SMC1B: variants seen among roughly 807,000 people sequenced by gnomAD.
The protein encoded by SMC1B is structural maintenance of chromosomes 1B, also known as structural maintenance of chromosomes protein 1B.
A neutral mutation model predicts 157.9 loss-of-function variants in SMC1B; 60 were observed. The observed-to-expected ratio is 0.38, with a 90% CI of 0.31 to 0.47. The LOEUF (loss-of-function observed/expected upper bound fraction) is 0.47. Ranked by LOEUF, SMC1B falls within the 20% of genes least tolerant of loss-of-function variation. The pLI, the probability that SMC1B is intolerant of heterozygous loss-of-function variation, is 0.99. For missense variants in SMC1B, 1,165 were observed against 1,426.2 expected (o/e 0.82, Z 2.95); for synonymous variants, 445 against 483.0 (o/e 0.92, Z 1.03).
chr22:45,401,356 T>C (rs1351891921), intron 5 of SMC1B, among the ~76,000 whole-genome samples: 2 of 152,148 alleles, frequency 1.3e-5, no homozygotes, highest in African/African-American at 2.4e-5. Flanking sequence ...ATGGGGTACA[T>C]AAGCAAGCTG....
At chr22:45,365,815 T>G (rs2086770445) in intron 15 of SMC1B, among the ~76,000 whole-genome samples, 1 of 152,066 alleles carries the variant, frequency 6.6e-6, no homozygotes, top group Non-Finnish European at 1.5e-5. Context: ...AACCCTATAA[T>G]TATCTAGAAA....
At chr22:45,391,867 C>T (rs1317058757) in intron 9 of SMC1B, among the ~76,000 whole-genome samples, 2 of 152,168 alleles carry the variant, frequency 1.3e-5, no homozygotes, top group African/African-American at 4.8e-5. Context: ...AAAATGGCCT[C>T]TCAATTTTAA....
Position 45,345,431 on chromosome 22 carries a change from A to C in SMC1B, c.3606+28T>G, listed in dbSNP as rs749098001. The C allele has an allele frequency of 3.4e-6, 5 of 1,478,410 alleles. No homozygotes were observed. In the African/African-American group the frequency reaches 7.0e-5, roughly 21 times the overall value. 91.6% of individuals were successfully genotyped at this position (1,478,410 alleles called of 1,614,324 possible). A position where few individuals can be genotyped will look rare whatever the true frequency, so the allele number is the denominator to read the frequency against. On this transcript the variant is annotated intron_variant, in intron 24 of 24. Transcript: ENST00000357450. ...ACTAAGGGAAGTTGGCATTGGGTAC[A>C]CTCCTCTCGCCTCTGATTTGTCTTT... is the stretch of plus-strand genomic sequence containing the variant.
intron 10 of SMC1B, among the ~76,000 whole-genome samples, chr22:45,389,270 G>T (rs1490005608): frequency 6.6e-6 from 1 of 152,118 alleles, no homozygotes; most frequent in African/African-American, 2.4e-5. Flanking sequence ...ATATGTTAAG[G>T]TATCTCAATA....
At chr22:45,405,326 C>T (rs943070956) in intron 4 of SMC1B, among the ~76,000 whole-genome samples, 2 of 151,732 alleles carry the variant, frequency 1.3e-5, no homozygotes, top group African/African-American at 2.4e-5. Context: ...TTTGGGAGGC[C>T]GAGGCAGGCA....
chr22:45,352,382 T>C, intron 22 of SMC1B, 69 bp downstream of exon 22: 1 of 1,395,640 alleles, frequency 7.2e-7, no homozygotes, highest in East Asian at 2.3e-5. Flanking sequence ...ATAGTTAATA[T>C]ATCTTCTGTA....
At chr22:45,386,203 C>T (rs1426125945) in intron 11 of SMC1B, among the ~76,000 whole-genome samples, 1 of 151,842 alleles carries the variant, frequency 6.6e-6, no homozygotes, top group African/African-American at 2.4e-5. Flanking sequence ...TACTTTATAG[C>T]TTATACCCTT....
intron 4 of SMC1B, among the ~76,000 whole-genome samples, chr22:45,404,041 A>C (rs1261431208): frequency 1.3e-5 from 2 of 152,112 alleles, no homozygotes; most frequent in Admixed American, 6.5e-5. Flanking sequence ...TCTTAGCTTC[A>C]AGTGATTCTC....
chr22:45,386,672 G>A (rs2086992845), intron 11 of SMC1B, among the ~76,000 whole-genome samples, 195 bp downstream of exon 11: 2 of 152,038 alleles, frequency 1.3e-5, no homozygotes, highest in South Asian at 4.1e-4. Context: ...AATGCTATAA[G>A]AGTTTTTTTT....
chr22:45,404,273 C>G (rs2087231534), intron 4 of SMC1B, among the ~76,000 whole-genome samples: 1 of 152,168 alleles, frequency 6.6e-6, no homozygotes, highest in South Asian at 2.1e-4. Flanking sequence ...TATCATATAG[C>G]TTACTTTCCA....
chr22:45,394,396 T>C (rs2087098395), intron 8 of SMC1B, among the ~76,000 whole-genome samples: 1 of 152,040 alleles, frequency 6.6e-6, no homozygotes, highest in South Asian at 2.1e-4. Flanking sequence ...ATCCCAGCAC[T>C]TTGGGAGTCC....
intron 1 of SMC1B, among the ~76,000 whole-genome samples, chr22:45,409,166 A>G (rs1182480406): frequency 6.6e-6 from 1 of 152,242 alleles, no homozygotes; most frequent in African/African-American, 2.4e-5. Flanking sequence ...GTATCACACC[A>G]TGGCAAATCA....
chr22:45,379,134 A>T (rs2086910657), intron 12 of SMC1B, among the ~76,000 whole-genome samples: 1 of 152,142 alleles, frequency 6.6e-6, no homozygotes, highest in Non-Finnish European at 1.5e-5. Flanking sequence ...GGTGCGTGCC[A>T]CCAAGCCCAG....
At position 45,399,172 on chromosome 22, in the gene SMC1B, C is replaced by T; in HGVS notation, c.1036G>A (p.Ala346Thr). 1 of 1,613,998 alleles carries T rather than the reference C, an allele frequency of 6.2e-7. No homozygotes were observed. The highest frequency in any genetic ancestry group is 8.5e-7 in the Non-Finnish European group (1 of 1,179,920). ...ATCTGCTTTTCAAAACTTCTCCATG[C>T]AGCATCTAAATCAGCCAGCTCTGTC... The part of the protein sequence containing the change: ...LETELADLDA[A>T]WRSFEKQIEE... The change falls in exon 6 of 25, where the codon GCA becomes ACA. Residue 346 changes from alanine (A) to threonine (T), a missense_variant. Coordinates refer to ENST00000357450, the MANE Select transcript of SMC1B (RefSeq NM_148674.5).
chr22:45,364,409 C>G (rs150783042), intron 15 of SMC1B, among the ~76,000 whole-genome samples: 2 of 152,296 alleles, frequency 1.3e-5, no homozygotes, highest in East Asian at 3.9e-4. Context: ...TGAGAGGTTA[C>G]TATATACCTG....
At chr22:45,372,716 C>CTTTTTTTTTTT (rs136574) in intron 12 of SMC1B, among the ~76,000 whole-genome samples, 1 of 123,582 alleles carries the variant, frequency 8.1e-6, no homozygotes, top group African/African-American at 3.3e-5. Context: ...GACTCCAGGT[C>CTTTTTTTTTTT]TTTTTTTTTT....
At chr22:45,373,489 G>T (rs2086854683) in intron 12 of SMC1B, among the ~76,000 whole-genome samples, 1 of 152,176 alleles carries the variant, frequency 6.6e-6, no homozygotes, top group African/African-American at 2.4e-5. Flanking sequence ...AACCTGTAAG[G>T]TACCTGTAAA....
chr22:45,384,360 G>C (rs966789336), intron 11 of SMC1B, among the ~76,000 whole-genome samples: 2 of 152,004 alleles, frequency 1.3e-5, no homozygotes, highest in African/African-American at 4.8e-5. Context: ...CTCTTTATTA[G>C]GTGAATTCAT....
intron 12 of SMC1B, among the ~76,000 whole-genome samples, chr22:45,377,053 GC>G (rs1200455686): frequency 1.1e-4 from 17 of 152,152 alleles, no homozygotes; most frequent in African/African-American, 3.9e-4. Flanking sequence ...CCACACCACT[GC>G]CTATCTTTTC....
Sources: allele counts gnomAD v4.1 joint callset (sites outside exome capture counted in the v4.1 genomes callset), GRCh38; gene constraint gnomAD v4.1.1; transcripts MANE v1.5; gene names NCBI Gene and HGNC (gene_info 2026-07-23, HGNC 2026-07-21).